The following TJP1 variants were observed in gnomAD, a reference collection of about 807,000 sequenced individuals.
The protein encoded by TJP1 is tight junction protein 1.
A neutral mutation model predicts 194.2 loss-of-function variants in TJP1; 43 were observed. That is an observed-to-expected ratio of 0.22 (90% confidence interval 0.17 to 0.29). The LOEUF is 0.29. Among genes scored for constraint, TJP1 ranks in the 10% least tolerant of loss-of-function variants. The pLI is 1.00. For synonymous variants in TJP1, 801 were observed against 779.0 expected (o/e 1.03, Z -0.47); for missense variants, 1,971 against 2,185.7 (o/e 0.90, Z 1.96).
At chr15:29,848,862 TAA>T (rs924138309) in intron 2 of TJP1, among the ~76,000 whole-genome samples, 1 of 144,464 alleles carries the variant, frequency 6.9e-6, no homozygotes, top group African/African-American at 2.5e-5. Flanking sequence ...CATCTCAAAA[TAA>T]AAAAAAAAAG....
Position 29,719,826 on chromosome 15 carries a change from A to C in TJP1, c.2954T>G (p.Met985Arg). 1 of 1,614,200 alleles carries C rather than the reference A, an allele frequency of 6.2e-7. No individual in the cohort carries two copies. The highest frequency in any genetic ancestry group is 8.5e-7 in the Non-Finnish European group (1 of 1,180,024). ...RTPSTEAAHI[M>R]LRDQEPSLSS... ...CAATGATGGTTCTTGATCTCTTAGCATTATGTGAGCTGCCTCAGTACTTGG... is the reference window on the plus strand; with the variant it reads ...CAATGATGGTTCTTGATCTCTTAGCCTTATGTGAGCTGCCTCAGTACTTGG... Residue 985 changes from methionine to arginine, a missense_variant, in exon 20 of 28, where the codon ATG becomes AGG. Physicochemically the swap from Met to Arg is moderately conservative, Grantham distance 91. This residue lies in a region of TJP1 where 1,108 missense variants were observed against 1,128.5 expected (regional missense o/e 0.98). Coordinates refer to ENST00000614355, the MANE Select transcript of TJP1 (RefSeq NM_001330239.4).
At chr15:29,950,556 T>G (rs11630492) in intron 2 of TJP1, among the ~76,000 whole-genome samples, 14,854 of 152,208 alleles carry the variant, frequency 0.098, 861 homozygotes, top group South Asian at 0.16. Context: ...GAGCCCACGA[T>G]GCTCCCTGCA....
chr15:29,957,995 T>A (rs2056010565), intron 1 of TJP1, among the ~76,000 whole-genome samples: 1 of 152,242 alleles, frequency 6.6e-6, no homozygotes, highest in Non-Finnish European at 1.5e-5. Context: ...TGATTCTGTA[T>A]AAAGGACTAT....
chr15:29,801,562 C>T (rs1025765269), intron 1 of TJP1, among the ~76,000 whole-genome samples: 1 of 149,926 alleles, frequency 6.7e-6, no homozygotes, highest in Non-Finnish European at 1.5e-5. Context: ...CCCGGGTTCA[C>T]GCCATTCTCC....
At chr15:29,842,145 C>T (rs1032976457) in intron 2 of TJP1, among the ~76,000 whole-genome samples, 2 of 152,034 alleles carry the variant, frequency 1.3e-5, no homozygotes, top group Non-Finnish European at 2.9e-5. Flanking sequence ...TTAAGTGAAA[C>T]GACGTATAAC....
chr15:29,877,875 G>A (rs1184210602), intron 2 of TJP1, among the ~76,000 whole-genome samples: 6 of 151,528 alleles, frequency 4.0e-5, no homozygotes, highest in Non-Finnish European at 7.4e-5. Context: ...CACCATGTTG[G>A]CCAGGCTGGT....
chr15:29,871,308 C>T (rs757773322), intron 2 of TJP1, among the ~76,000 whole-genome samples: 3 of 152,288 alleles, frequency 2.0e-5, no homozygotes, highest in Non-Finnish European at 4.4e-5. Flanking sequence ...AACGTGCAAA[C>T]GTTATAAAAT....
At position 29,817,309 on chromosome 15, in the gene TJP1, G is replaced by A. The variant is rs940140309; in HGVS notation, c.27+4693C>T. On this transcript the variant is annotated intron_variant, in intron 1 of 27. Transcript: ENST00000614355. ...ACCATCTTACACCCGTCAGAATGGT[G>A]ATTATTAGAAAGTCAGGAAACAACA... is the stretch of plus-strand genomic sequence containing the variant. Among the ~76,000 whole-genome samples, 11 of 152,152 alleles carry A rather than the reference G, an allele frequency of 7.2e-5. No individual in the cohort carries two copies. In the East Asian group the frequency reaches 1.2e-3, roughly 16 times the overall value.
chr15:29,750,009 A>AT (rs34349418), intron 8 of TJP1, among the ~76,000 whole-genome samples: 17,444 of 136,498 alleles, frequency 0.13, 1,127 homozygotes, highest in South Asian at 0.24. Context: ...TGTCCGGCTA[A>AT]TTTTTTTTTT....
At chr15:29,724,847 G>A (rs78620556) in intron 18 of TJP1, among the ~76,000 whole-genome samples, 2,005 of 152,264 alleles carry the variant, frequency 0.013, 53 homozygotes, top group African/African-American at 0.046. Context: ...AAGCTAGAAA[G>A]TTGGACCTTT....
intron 1 of TJP1, among the ~76,000 whole-genome samples, chr15:29,813,643 T>C (rs2049692348): frequency 1.3e-5 from 2 of 152,148 alleles, no homozygotes; most frequent in South Asian, 4.1e-4. Context: ...GTGGTAACTA[T>C]AAAGAAAAAC....
chr15:29,957,397 C>T (rs1324683475), intron 1 of TJP1, among the ~76,000 whole-genome samples: 2 of 152,138 alleles, frequency 1.3e-5, no homozygotes, highest in Admixed American at 6.5e-5. Flanking sequence ...ATCCCAAACT[C>T]CCCTTTTCCA....
intron 2 of TJP1, among the ~76,000 whole-genome samples, chr15:29,894,652 A>G (rs2053420517): frequency 1.3e-5 from 2 of 152,138 alleles, no homozygotes; most frequent in Admixed American, 1.3e-4. Flanking sequence ...CAGCTCTCCC[A>G]GGCTGGAATC....
At chr15:29,939,938 C>G (rs1256901597) in intron 2 of TJP1, among the ~76,000 whole-genome samples, 1 of 152,112 alleles carries the variant, frequency 6.6e-6, no homozygotes, top group African/African-American at 2.4e-5. Flanking sequence ...CCCCAACCCC[C>G]CAGTTTATGA....
intron 2 of TJP1, among the ~76,000 whole-genome samples, chr15:29,925,528 C>T (rs546552370): frequency 1.3e-5 from 2 of 152,234 alleles, no homozygotes; most frequent in Admixed American, 1.3e-4. Context: ...TCCTCATCTT[C>T]AAAAGGGAGG....
In TJP1 at chr15:29,705,721, T is replaced by G; in HGVS notation, c.4875A>C (p.Glu1625Asp). 11 of 1,614,170 alleles carry G rather than the reference T, an allele frequency of 6.8e-6. No individual in the cohort carries two copies. Among genetic ancestry groups the G allele is most frequent in the Non-Finnish European group, 9.3e-6 (11 of 1,180,040 alleles). The change falls in exon 26 of 28, where the codon GAA becomes GAC. Residue 1625 changes from glutamate to aspartate, a missense_variant. Physicochemically the swap from Glu to Asp is conservative, Grantham distance 45. Transcript: ENST00000614355. Reference sequence around the variant, plus strand: ...CCACCACAGTATGACCATCTTCATCTTCATCCTCTTCCACAGCTGAAGGAC... The same window carrying G: ...CCACCACAGTATGACCATCTTCATCGTCATCCTCTTCCACAGCTGAAGGAC... ...PVSPSAVEEDEDEDGHTVVAT... is the reference protein window; with the variant it reads ...PVSPSAVEEDDDEDGHTVVAT...
At chr15:29,968,968 G>C (rs1486061205), upstream of TJP1, 1 of 151,250 alleles carries the variant, frequency 6.6e-6, no homozygotes, top group African/African-American at 2.5e-5. Flanking sequence ...GTGCCCGGCC[G>C]CTCCCGCCGC....
intron 1 of TJP1, among the ~76,000 whole-genome samples, chr15:29,808,783 T>C (rs1306994362): frequency 1.3e-5 from 2 of 152,114 alleles, no homozygotes; most frequent in South Asian, 2.1e-4. Flanking sequence ...ATAATAAAAA[T>C]TGAATATCAT....
intron 2 of TJP1, among the ~76,000 whole-genome samples, chr15:29,858,141 C>T (rs901117233): frequency 6.6e-6 from 1 of 152,214 alleles, no homozygotes; most frequent in African/African-American, 2.4e-5. Flanking sequence ...TGTCTTACTC[C>T]CGTAATCTCA....
Sources: allele counts gnomAD v4.1 joint callset (sites outside exome capture counted in the v4.1 genomes callset), GRCh38; gene constraint gnomAD v4.1.1; regional missense constraint gnomAD v4.1.1; transcripts MANE v1.5; gene names NCBI Gene and HGNC (gene_info 2026-07-23, HGNC 2026-07-21).